The following JAK1 variants were observed in gnomAD, a reference collection of about 807,000 sequenced individuals.
JAK1 encodes tyrosine-protein kinase JAK1.
Under a neutral mutation model 136.6 loss-of-function variants are expected in JAK1, and 16 were observed. That is an observed-to-expected ratio of 0.12 (90% CI 0.08 to 0.18). The LOEUF (loss-of-function observed/expected upper bound fraction) is 0.18. Ranked by LOEUF, JAK1 falls within the 10% of genes least tolerant of loss-of-function variation. The probability of loss-of-function intolerance (pLI) is 1.00; values close to 1 mark genes in which losing one functional copy is unlikely to be tolerated. For missense variants in JAK1, 859 were observed against 1,450.1 expected, an observed-to-expected ratio of 0.59 and a Z score of 6.62; for synonymous variants, 492 against 519.5, an observed-to-expected ratio of 0.95 and a Z score of 0.72.
intron 2 of JAK1, among the ~76,000 whole-genome samples, chr1:65,035,834 C>G (rs1285232675): frequency 6.6e-6 from 1 of 152,012 alleles, no homozygotes; most frequent in Non-Finnish European, 1.5e-5. Flanking sequence ...TTTGGGAGGC[C>G]GAGGCGGGCG....
intron 1 of JAK1, among the ~76,000 whole-genome samples, chr1:65,045,365 T>C (rs113764515): frequency 2.5e-4 from 38 of 152,296 alleles, no homozygotes; most frequent in Middle Eastern, 3.4e-3. Flanking sequence ...GTTACTAAGA[T>C]TGGAAGTGAC....
chr1:64,967,373 T>C (rs1646404115), upstream of JAK1, among the ~76,000 whole-genome samples: 1 of 152,152 alleles, frequency 6.6e-6, no homozygotes, highest in Non-Finnish European at 1.5e-5. Context: ...ACCACGAACA[T>C]CTCTTAAATC....
intron 1 of JAK1, among the ~76,000 whole-genome samples, chr1:65,062,878 T>G (rs921721978): frequency 2.6e-5 from 4 of 152,224 alleles, no homozygotes; most frequent in African/African-American, 9.6e-5. Flanking sequence ...AGGGAGCCTC[T>G]AAACAGTTAT....
At chr1:64,925,429 T>C (rs1306542610) in intron 1 of JAK1, among the ~76,000 whole-genome samples, 1 of 152,002 alleles carries the variant, frequency 6.6e-6, no homozygotes, top group Non-Finnish European at 1.5e-5. Flanking sequence ...AACCTAAAAC[T>C]GCTTTAAGAA....
At chr1:65,035,459 G>C (rs935543597) in intron 2 of JAK1, among the ~76,000 whole-genome samples, 9 of 152,188 alleles carry the variant, frequency 5.9e-5, no homozygotes, top group Non-Finnish European at 1.3e-4. Context: ...GAGTTGAGGA[G>C]ACTTGACCTT....
intron 1 of JAK1, among the ~76,000 whole-genome samples, chr1:64,917,091 C>T (rs1645410873): frequency 6.6e-6 from 1 of 152,096 alleles, no homozygotes; most frequent in African/African-American, 2.4e-5. Flanking sequence ...CTGTTTGGGG[C>T]ATTCCTGGGA....
At chr1:65,028,316 T>G (rs1462682982) in intron 2 of JAK1, among the ~76,000 whole-genome samples, 1 of 152,114 alleles carries the variant, frequency 6.6e-6, no homozygotes, top group Non-Finnish European at 1.5e-5. Flanking sequence ...ATTTTAAAAG[T>G]TTATTTATAT....
chr1:65,013,797 A>G (rs1450268193), intron 2 of JAK1, among the ~76,000 whole-genome samples: 1 of 152,232 alleles, frequency 6.6e-6, no homozygotes, highest in Non-Finnish European at 1.5e-5. Flanking sequence ...ATCACGTATG[A>G]GAGCTAGAAG....
chr1:64,870,938 T>G (rs1282172243), intron 5 of JAK1, among the ~76,000 whole-genome samples: 1 of 152,158 alleles, frequency 6.6e-6, no homozygotes, highest in Non-Finnish European at 1.5e-5. Flanking sequence ...AAACATTCAC[T>G]GTACAGCTAC....
intron 3 of JAK1, among the ~76,000 whole-genome samples, chr1:64,882,336 G>T (rs1199110007): frequency 6.6e-6 from 1 of 152,168 alleles, no homozygotes; most frequent in Non-Finnish European, 1.5e-5. Context: ...AGGGTTAAAG[G>T]TGGGATAAGT....
chr1:64,935,164 T>C (rs1044947565), intron 1 of JAK1, among the ~76,000 whole-genome samples: 1 of 152,168 alleles, frequency 6.6e-6, no homozygotes, highest in Non-Finnish European at 1.5e-5. Context: ...TATATTCCAA[T>C]CTCACATCCA....
At chr1:64,922,183 C>T (rs1006047761) in intron 1 of JAK1, among the ~76,000 whole-genome samples, 3 of 151,728 alleles carry the variant, frequency 2.0e-5, no homozygotes, top group African/African-American at 4.8e-5. Flanking sequence ...CTACTAAATG[C>T]CCCCCACCCC....
At chr1:65,048,368 CA>C (rs1328217012) in intron 1 of JAK1, among the ~76,000 whole-genome samples, 3 of 152,136 alleles carry the variant, frequency 2.0e-5, no homozygotes, top group Admixed American at 1.3e-4. Flanking sequence ...TACCATTGTC[CA>C]AACAAGCTCA....
intron 2 of JAK1, among the ~76,000 whole-genome samples, chr1:65,001,570 G>A (rs147417035): frequency 6.2e-4 from 94 of 152,092 alleles, no homozygotes; most frequent in African/African-American, 2.2e-3. Flanking sequence ...TAGTGTGTGT[G>A]TTGTATGTCT....
chr1:64,835,253 T>A, intron 24 of JAK1, 143 bp downstream of exon 24: 2 of 524,132 alleles, frequency 3.8e-6, no homozygotes, highest in Non-Finnish European at 6.7e-6. Flanking sequence ...TTATCTTATG[T>A]GAAATTCAGC....
At chr1:65,000,708 T>C (rs1646747640) in intron 2 of JAK1, among the ~76,000 whole-genome samples, 1 of 152,204 alleles carries the variant, frequency 6.6e-6, no homozygotes, top group Non-Finnish European at 1.5e-5. Context: ...TTGTGTTCGA[T>C]GTGATTACAT....
intron 1 of JAK1, among the ~76,000 whole-genome samples, chr1:65,057,286 G>A (rs1267786417): frequency 6.6e-6 from 1 of 152,168 alleles, no homozygotes; most frequent in Non-Finnish European, 1.5e-5. Flanking sequence ...GGAGTCTACA[G>A]GGAAGAGGGA....
chr1:64,985,829 G>T, intron 2 of JAK1: 1 of 619,738 alleles, frequency 1.6e-6, no homozygotes, highest in Non-Finnish European at 3.0e-6. Flanking sequence ...AATTACGCCT[G>T]TCAAAGCTGT....
At chr1:65,062,070 A>C (rs1647817208) in intron 1 of JAK1, among the ~76,000 whole-genome samples, 1 of 152,212 alleles carries the variant, frequency 6.6e-6, no homozygotes, top group Non-Finnish European at 1.5e-5. Context: ...GGACACGGTA[A>C]CAAAGAGAAG....
Sources: gnomAD v4.1 joint callset for allele counts (sites outside exome capture counted in the v4.1 genomes callset) on GRCh38, gnomAD v4.1.1 for gene constraint, MANE v1.5 for transcripts, NCBI Gene and HGNC (gene_info 2026-07-23, HGNC 2026-07-21) for gene names.